The following DNAH3 variants were observed in gnomAD, a reference collection of about 807,000 sequenced individuals.
DNAH3 encodes dynein axonemal heavy chain 3, also known as axonemal beta dynein heavy chain 3.
A neutral mutation model predicts 432.5 loss-of-function variants in DNAH3; 332 were observed. The observed-to-expected ratio is 0.77, with a 90% CI of 0.70 to 0.84. The LOEUF is 0.84. Among genes scored for constraint, DNAH3 ranks in the 40% least tolerant of loss-of-function variants. The pLI, the probability that DNAH3 is intolerant of heterozygous loss-of-function variation, is 0.00. For missense variants in DNAH3, 4,861 were observed against 5,114.0 expected, an observed-to-expected ratio of 0.95 and a Z score of 1.51; for synonymous variants, 1,956 against 1,900.2, an observed-to-expected ratio of 1.03 and a Z score of -0.76.
exon 3 of DNAH3, chr16:21,145,291 T>G (rs746030014): frequency 3.7e-6 from 6 of 1,613,934 alleles, no homozygotes; most frequent in Middle Eastern, 1.6e-4. Context: ...CAAGGAGTAG[T>G]TGTTGGCGAT....
intron 24 of DNAH3, among the ~76,000 whole-genome samples, chr16:21,065,292 C>T (rs2090507059): frequency 6.6e-6 from 1 of 152,040 alleles, no homozygotes; most frequent in South Asian, 2.1e-4. Flanking sequence ...TCCCAGATAG[C>T]TGGGATTACA....
chr16:21,113,387 A>G (rs1004008064), intron 12 of DNAH3, among the ~76,000 whole-genome samples: 4 of 152,206 alleles, frequency 2.6e-5, no homozygotes, highest in Non-Finnish European at 5.9e-5. Context: ...AAACATACCC[A>G]GGATTAATAC....
At chr16:20,971,032 T>A (rs1334450085) in intron 51 of DNAH3, among the ~76,000 whole-genome samples, 1 of 151,910 alleles carries the variant, frequency 6.6e-6, no homozygotes, top group Non-Finnish European at 1.5e-5. Context: ...CAGGTCTGAC[T>A]AATTTTTGTA....
rs2092355319 is a variant in DNAH3 at position 21,122,077 on chromosome 16, T to C, written c.1452A>G (p.Ile484Met). Residue 484 changes from isoleucine (I) to methionine (M), a missense_variant, in exon 10 of 62, where the codon ATA becomes ATG. Coordinates refer to ENST00000261383, the Ensembl canonical transcript of DNAH3. ...CAAGTTTGATCATGATTAGCTGAGG[T>C]ATGAAAAACTTCATCTCTTGGTAGG... is the stretch of plus-strand genomic sequence containing the variant. The C allele has an allele frequency of 3.1e-6, 5 of 1,613,490 alleles. No individual in the cohort carries two copies. In the South Asian group the frequency reaches 3.3e-5, roughly 11 times the overall value.
At chr16:20,989,013 ATAAAAGCAGT>A (rs2086385301) in intron 44 of DNAH3, among the ~76,000 whole-genome samples, 1 of 152,228 alleles carries the variant, frequency 6.6e-6, no homozygotes, top group Admixed American at 6.5e-5. Flanking sequence ...GTTACAGCTC[ATAAAAGCAGT>A]GTGGACCCAC....
intron 24 of DNAH3, among the ~76,000 whole-genome samples, chr16:21,066,157 G>T (rs887756159): frequency 6.6e-4 from 94 of 141,690 alleles, no homozygotes; most frequent in African/African-American, 2.3e-3. Context: ...ATCATTTTTT[G>T]TTTTTTTTTT....
chr16:21,068,924 T>C (rs930988300), intron 23 of DNAH3, among the ~76,000 whole-genome samples: 5 of 152,112 alleles, frequency 3.3e-5, no homozygotes, highest in Non-Finnish European at 7.4e-5. Flanking sequence ...ATTTGCTTTT[T>C]TTTTTTTTAA....
intron 11 of DNAH3, among the ~76,000 whole-genome samples, chr16:21,119,709 G>A (rs1442247107): frequency 6.6e-6 from 1 of 151,566 alleles, no homozygotes; most frequent in Non-Finnish European, 1.5e-5. Flanking sequence ...TGATTCTCCT[G>A]CCTCAGCCTC....
At chr16:20,961,740 G>T in intron 53 of DNAH3, among the ~76,000 whole-genome samples, 1 of 148,960 alleles carries the variant, frequency 6.7e-6, no homozygotes, top group African/African-American at 2.5e-5. Flanking sequence ...TAAGAATTGT[G>T]AGAAAATAAA....
intron 48 of DNAH3, among the ~76,000 whole-genome samples, chr16:20,983,467 T>C (rs564395679): frequency 2.0e-5 from 3 of 152,274 alleles, no homozygotes; most frequent in Non-Finnish European, 4.4e-5. Context: ...CTATTGTTCC[T>C]TCCGCATCCT....
intron 1 of DNAH3, among the ~76,000 whole-genome samples, chr16:21,149,503 T>C (rs993424633): frequency 1.3e-5 from 2 of 152,192 alleles, no homozygotes; most frequent in Non-Finnish European, 2.9e-5. Flanking sequence ...ACATGTTGTA[T>C]GTATGTTCTT....
chr16:21,133,576 A>T (rs2092600262), intron 7 of DNAH3, among the ~76,000 whole-genome samples: 1 of 151,996 alleles, frequency 6.6e-6, no homozygotes, highest in South Asian at 2.1e-4. Flanking sequence ...CCCCATCTTG[A>T]CTAAAGATGC....
exon 10 of DNAH3, chr16:21,121,952 A>T: frequency 6.2e-7 from 1 of 1,608,648 alleles, no homozygotes; most frequent in Non-Finnish European, 8.5e-7. Flanking sequence ...TACCTTGGGG[A>T]TCCCATTAGA....
intron 33 of DNAH3, among the ~76,000 whole-genome samples, chr16:21,039,435 G>C (rs1032583949): frequency 6.6e-6 from 1 of 151,978 alleles, no homozygotes; most frequent in Non-Finnish European, 1.5e-5. Context: ...GGCCAGGCTG[G>C]TCTCAAACTC....
At chr16:20,982,730 A>G in exon 49 of DNAH3, 1 of 1,614,030 alleles carries the variant, frequency 6.2e-7, no homozygotes, top group South Asian at 1.1e-5. Context: ...CTCTACCCGA[A>G]TGTTGTCATC....
intron 18 of DNAH3, 97 bp from the exon 19 acceptor site, chr16:21,087,157 T>C (rs2091405506): frequency 5.9e-6 from 6 of 1,013,806 alleles, no homozygotes; most frequent in Admixed American, 5.5e-5. Flanking sequence ...CTCCTGTCGT[T>C]TGGAGATTGG....
At chr16:21,100,391 T>G (rs1315901102) in intron 16 of DNAH3, among the ~76,000 whole-genome samples, 1 of 152,140 alleles carries the variant, frequency 6.6e-6, no homozygotes, top group African/African-American at 2.4e-5. Context: ...TTTCTCAGCT[T>G]TTTATTTTTG....
At chr16:21,134,095 G>A (rs1209834059) in intron 7 of DNAH3, 164 bp downstream of exon 8, 1 of 649,086 alleles carries the variant, frequency 1.5e-6, no homozygotes, top group East Asian at 3.0e-5. Flanking sequence ...AGCCTGCAAG[G>A]AAAGGTGTCA....
chr16:20,952,616 C>T, intron 55 of DNAH3, 67 bp from the exon 56 acceptor site: 1 of 1,017,908 alleles, frequency 9.8e-7, no homozygotes, highest in South Asian at 1.3e-5. Flanking sequence ...AAAGACCAAG[C>T]CGAGGGAGTT....
Sources: gnomAD v4.1 joint callset for allele counts (sites outside exome capture counted in the v4.1 genomes callset) on GRCh38, gnomAD v4.1.1 for gene constraint, MANE v1.5 for transcripts, NCBI Gene and HGNC (gene_info 2026-07-23, HGNC 2026-07-21) for gene names.